Variants in GALNT13 observed in about 807,000 individuals in gnomAD.
GALNT13 encodes the protein polypeptide N-acetylgalactosaminyltransferase 13.
GALNT13 carries 28 observed loss-of-function variants against 64.2 expected under a neutral mutation model. The ratio of observed to expected loss-of-function variants is 0.44; its 90% CI spans 0.32 to 0.60. The LOEUF is 0.60. Among genes scored for constraint, GALNT13 ranks in the 20% least tolerant of loss-of-function variants. The pLI, the probability that GALNT13 is intolerant of heterozygous loss-of-function variation, is 0.05. For synonymous variants in GALNT13, 214 were observed against 224.6 expected, an observed-to-expected ratio of 0.95 and a Z score of 0.42; for missense variants, 577 against 669.8, an observed-to-expected ratio of 0.86 and a Z score of 1.53.
the GALNT13 span, among the ~76,000 whole-genome samples, chr2:153,398,608 T>C: frequency 6.9e-3 from 1,054 of 152,268 alleles, 15 homozygotes; most frequent in African/African-American, 0.024. Context: ...TTTTAATGAT[T>C]GCCATTCTAA....
intron 1 of GALNT13, among the ~76,000 whole-genome samples, chr2:153,884,854 TATACAC>T (rs1419306801): frequency 1.4e-3 from 109 of 80,258 alleles, no homozygotes; most frequent in East Asian, 9.4e-3. Flanking sequence ...TATATATGTA[TATACAC>T]ACACACACAC....
At chr2:154,248,070 G>C (rs1429172841) in intron 7 of GALNT13, among the ~76,000 whole-genome samples, 3 of 152,060 alleles carry the variant, frequency 2.0e-5, no homozygotes, top group African/African-American at 7.2e-5. Flanking sequence ...ATTCTGAATA[G>C]CTAAAGTGAT....
chr2:153,745,660 T>C, the GALNT13 span, among the ~76,000 whole-genome samples: 1 of 152,200 alleles, frequency 6.6e-6, no homozygotes, highest in Non-Finnish European at 1.5e-5. Context: ...CTTCAAATAT[T>C]AAGCATAGGT....
At chr2:153,827,592 C>T in the GALNT13 span, among the ~76,000 whole-genome samples, 1 of 145,850 alleles carries the variant, frequency 6.9e-6, no homozygotes, top group Admixed American at 7.0e-5. Context: ...TGCCACTGCA[C>T]TCCAGCCTGG....
At chr2:153,739,776 T>G in the GALNT13 span, among the ~76,000 whole-genome samples, 5 of 151,504 alleles carry the variant, frequency 3.3e-5, no homozygotes, top group Admixed American at 3.3e-4. Flanking sequence ...TTCTTAATAT[T>G]TGGCTAAAAA....
At chr2:153,566,816 C>G in the GALNT13 span, among the ~76,000 whole-genome samples, 9 of 140,194 alleles carry the variant, frequency 6.4e-5, 1 homozygote, top group East Asian at 1.8e-3. Flanking sequence ...GCCAGTAGAT[C>G]TTAAAATATA....
the GALNT13 span, among the ~76,000 whole-genome samples, chr2:153,486,676 G>A: frequency 6.6e-6 from 1 of 151,936 alleles, no homozygotes; most frequent in Non-Finnish European, 1.5e-5. Flanking sequence ...CCCCAAGCTT[G>A]ATTTAAAAAT....
At chr2:153,206,276 G>GAGT in the GALNT13 span, among the ~76,000 whole-genome samples, 1 of 152,078 alleles carries the variant, frequency 6.6e-6, no homozygotes, top group Non-Finnish European at 1.5e-5. Context: ...TCAACCAAGA[G>GAGT]AGTGAAGTTA....
At chr2:154,013,446 T>C (rs1696782319) in intron 3 of GALNT13, among the ~76,000 whole-genome samples, 1 of 152,120 alleles carries the variant, frequency 6.6e-6, no homozygotes, top group South Asian at 2.1e-4. Flanking sequence ...GTAGGGTTGT[T>C]GGCAGTGGTA....
chr2:153,941,098 C>G (rs980703122), intron 2 of GALNT13, among the ~76,000 whole-genome samples: 2 of 151,904 alleles, frequency 1.3e-5, no homozygotes, highest in African/African-American at 4.8e-5. Flanking sequence ...CTCTTGTTGC[C>G]CATGCTGGAG....
chr2:153,138,353 A>G, the GALNT13 span, among the ~76,000 whole-genome samples: 8 of 152,204 alleles, frequency 5.3e-5, no homozygotes, highest in African/African-American at 1.7e-4. Context: ...TTGCAGAGAC[A>G]TAACCTGAGG....
At chr2:153,483,764 CATT>C in the GALNT13 span, among the ~76,000 whole-genome samples, 1 of 152,078 alleles carries the variant, frequency 6.6e-6, no homozygotes. Flanking sequence ...ACCTTGAAGA[CATT>C]ATGCTAAATG....
chr2:153,587,050 G>A, the GALNT13 span, among the ~76,000 whole-genome samples: 1 of 151,802 alleles, frequency 6.6e-6, no homozygotes, highest in Non-Finnish European at 1.5e-5. Context: ...TGGCCAATGT[G>A]GTAAAACCCC....
intron 4 of GALNT13, among the ~76,000 whole-genome samples, chr2:154,146,825 A>G (rs1683631382): frequency 6.6e-6 from 1 of 152,030 alleles, no homozygotes; most frequent in Non-Finnish European, 1.5e-5. Flanking sequence ...AGAAGCCCCA[A>G]ACCCTTTTCC....
the GALNT13 span, chr2:153,478,010 C>A: frequency 3.6e-6 from 2 of 553,298 alleles, no homozygotes; most frequent in Non-Finnish European, 3.2e-6. Flanking sequence ...CCTCTTCTTG[C>A]CACTTTCTGC....
At chr2:154,042,498 A>T (rs987255473) in intron 3 of GALNT13, among the ~76,000 whole-genome samples, 17 of 139,386 alleles carry the variant, frequency 1.2e-4, no homozygotes, top group African/African-American at 4.2e-4. Flanking sequence ...ACCTCTTCAG[A>T]GGAATTTCCT....
At chr2:153,759,313 G>C in the GALNT13 span, among the ~76,000 whole-genome samples, 1 of 151,952 alleles carries the variant, frequency 6.6e-6, no homozygotes, top group African/African-American at 2.4e-5. Flanking sequence ...AATTGTTCTG[G>C]CAAGGAGCGC....
At chr2:153,815,878 C>T in the GALNT13 span, among the ~76,000 whole-genome samples, 3 of 152,148 alleles carry the variant, frequency 2.0e-5, no homozygotes, top group East Asian at 5.8e-4. Context: ...CATTCTAATA[C>T]TCACCCAAGG....
chr2:154,222,913 G>A (rs1418385809), intron 4 of GALNT13, among the ~76,000 whole-genome samples: 1 of 152,002 alleles, frequency 6.6e-6, no homozygotes, highest in Non-Finnish European at 1.5e-5. Context: ...AAGGATTTAA[G>A]GACAATATAA....
Sources: allele counts gnomAD v4.1 joint callset (sites outside exome capture counted in the v4.1 genomes callset), GRCh38; gene constraint gnomAD v4.1.1; transcripts MANE v1.5; gene names NCBI Gene and HGNC (gene_info 2026-07-23, HGNC 2026-07-21).